The following IPO8 variants were observed in gnomAD, a reference collection of about 807,000 sequenced individuals.
IPO8 encodes importin 8.
IPO8 carries 65 observed loss-of-function variants against 141.2 expected under a neutral mutation model. The observed-to-expected ratio is 0.46, with a 90% CI of 0.38 to 0.57. The LOEUF is 0.57. Among genes scored for constraint, IPO8 ranks in the 20% least tolerant of loss-of-function variants. IPO8 has a pLI of 0.00. For missense variants in IPO8, 980 were observed against 1,246.8 expected (o/e 0.79, Z 3.22); for synonymous variants, 411 against 420.3 (o/e 0.98, Z 0.27).
intron 24 of IPO8, 27 bp from the exon 25 acceptor site, chr12:30,630,984 G>GAAAA: frequency 1.9e-6 from 3 of 1,554,606 alleles, no homozygotes; most frequent in Non-Finnish European, 1.8e-6. Flanking sequence ...GAAAAGGGGA[G>GAAAA]AAGAAAAAAA....
chr12:30,680,394 TTAA>T, intron 5 of IPO8, 85 bp downstream of exon 5: 1 of 1,009,228 alleles, frequency 9.9e-7, no homozygotes, highest in Non-Finnish European at 1.4e-6. Flanking sequence ...AAAATAATTT[TTAA>T]TAATAAGTGA....
At chr12:30,631,833 A>T (rs1463533421) in intron 24 of IPO8, 62 bp downstream of exon 24, 1 of 1,099,252 alleles carries the variant, frequency 9.1e-7, no homozygotes, top group African/African-American at 1.5e-5. Context: ...TGGCTCATCA[A>T]ATAAGGCTGT....
rs1249478252 is a variant in IPO8, at chr12:30,665,617, C to T, written c.1338+112G>A. 4.4e-6 allele frequency: 3 copies of T among 684,230 alleles called. No homozygotes were observed. The African/African-American group carries it at 5.4e-5, about 12-fold the overall frequency. The allele number at this position is 684,230 out of a possible 1,614,324, so 42.4% of individuals were successfully genotyped here. ...TGACAGAAAGGAGGATAGTTGTGAACTCAATTATCCAGAGGTAGTCACCAG... is the reference window on the plus strand; with the variant it reads ...TGACAGAAAGGAGGATAGTTGTGAATTCAATTATCCAGAGGTAGTCACCAG... On this transcript the variant is annotated intron_variant, in intron 12 of 24. Transcript: ENST00000256079.
rs76500574 is a variant in IPO8, at chr12:30,637,524, A to G, written c.2490-337T>C. On this transcript the variant is annotated intron_variant, in intron 21 of 24. Coordinates refer to ENST00000256079, the MANE Select transcript of IPO8 (RefSeq NM_006390.4). ...ATTTGACAGCATAAAAGTCCTATAC[A>G]ATGGTTGGGGGGAATGAAGAGTTTC... 9.1e-3 allele frequency among the ~76,000 whole-genome samples: 1,388 copies of G among 152,294 alleles called. 5 individuals carry two copies. Among genetic ancestry groups the G allele is most frequent in the Middle Eastern group, 0.034 (10 of 294 alleles).
chr12:30,667,638 G>A (rs1270436735), intron 10 of IPO8, among the ~76,000 whole-genome samples: 1 of 152,126 alleles, frequency 6.6e-6, no homozygotes, highest in Non-Finnish European at 1.5e-5. Context: ...CCAGTCTACA[G>A]AAGGAAACGA....
intron 5 of IPO8, among the ~76,000 whole-genome samples, chr12:30,679,260 A>G (rs1004929155): frequency 6.6e-6 from 1 of 152,272 alleles, no homozygotes; most frequent in African/African-American, 2.4e-5. Flanking sequence ...GGAGAATATT[A>G]ATGTATTAGT....
At chr12:30,641,418 T>C (rs2052572184) in intron 20 of IPO8, among the ~76,000 whole-genome samples, 1 of 151,936 alleles carries the variant, frequency 6.6e-6, no homozygotes, top group Admixed American at 6.6e-5. Context: ...TCTCTGAATA[T>C]ACCTTGTCTT....
At chr12:30,675,217 A>T (rs2053103964) in intron 6 of IPO8, among the ~76,000 whole-genome samples, 1 of 152,232 alleles carries the variant, frequency 6.6e-6, no homozygotes, top group African/African-American at 2.4e-5. Flanking sequence ...ATTTTAATAG[A>T]TACAAGAACT....
At chr12:30,693,657 A>G (rs1011015551) in intron 1 of IPO8, among the ~76,000 whole-genome samples, 2 of 152,226 alleles carry the variant, frequency 1.3e-5, no homozygotes, top group African/African-American at 4.8e-5. Context: ...GTTTTACTAC[A>G]CTGTTAGGTG....
chr12:30,693,964 T>A (rs368928876), intron 1 of IPO8, among the ~76,000 whole-genome samples: 106 of 152,312 alleles, frequency 7.0e-4, no homozygotes, highest in African/African-American at 2.5e-3. Context: ...TGTCTCCTAG[T>A]TCTGCAGGCT....
In IPO8 at chr12:30,666,376, A is replaced by G. The variant is rs77460486; in HGVS notation, c.1145-125T>C. The stretch of plus-strand genomic sequence containing the variant: ...CCATCCACATATGACACTGCTTGAC[A>G]GTACTAAAAAGGTAAGGATATACAG... On this transcript the variant is annotated intron_variant, in intron 10 of 24. Transcript: ENST00000256079. 7.5e-4 allele frequency: 404 copies of G among 541,052 alleles called. 2 individuals carry two copies. The highest frequency in any genetic ancestry group is 7.1e-3 in the African/African-American group (368 of 51,836). 33.5% of individuals were successfully genotyped at this position (541,052 alleles called of 1,614,324 possible).
intron 3 of IPO8, among the ~76,000 whole-genome samples, chr12:30,682,052 T>C (rs962830110): frequency 1.3e-5 from 2 of 152,106 alleles, no homozygotes; most frequent in Non-Finnish European, 2.9e-5. Context: ...AACTATCTTA[T>C]CCTAAATACA....
chr12:30,684,582 T>TA, intron 2 of IPO8, 125 bp from the exon 3 acceptor site: 1 of 860,946 alleles, frequency 1.2e-6, no homozygotes, highest in Non-Finnish European at 1.8e-6. Flanking sequence ...TGGATACTCT[T>TA]ACAGGTATAA....
At chr12:30,692,352 A>G (rs2053298721) in intron 1 of IPO8, among the ~76,000 whole-genome samples, 1 of 152,196 alleles carries the variant, frequency 6.6e-6, no homozygotes, top group African/African-American at 2.4e-5. Flanking sequence ...ATTTTAAAAA[A>G]TTTCAGAAAC....
intron 13 of IPO8, among the ~76,000 whole-genome samples, chr12:30,664,053 C>T (rs370089670): frequency 1.6e-4 from 24 of 152,226 alleles, no homozygotes; most frequent in Middle Eastern, 3.4e-3. Flanking sequence ...GTTTAGTAAG[C>T]TTCCTTTTTT....
intron 23 of IPO8, among the ~76,000 whole-genome samples, chr12:30,633,525 TAC>T (rs2136122564): frequency 6.6e-6 from 1 of 152,378 alleles, no homozygotes; most frequent in East Asian, 1.9e-4. Context: ...ATGGCCTCTG[TAC>T]ACTGTGTACA....
intron 20 of IPO8, among the ~76,000 whole-genome samples, chr12:30,642,558 A>G (rs1296370283): frequency 6.6e-6 from 1 of 151,910 alleles, no homozygotes; most frequent in Admixed American, 6.6e-5. Flanking sequence ...ATATATATAT[A>G]GCGACATATT....
Position 30,670,948 on chromosome 12 carries a change from T to G in IPO8, c.1044+14A>C, listed in dbSNP as rs1204072306. 4 of 1,600,938 alleles carry G rather than the reference T, an allele frequency of 2.5e-6. No individual in the cohort carries two copies. The Admixed American group carries it at 6.8e-5, about 27-fold the overall frequency. On this transcript the variant is annotated intron_variant, in intron 9 of 24. Coordinates refer to ENST00000256079, the MANE Select transcript of IPO8 (RefSeq NM_006390.4). ...CCAGAGAATAATTTTGGAGAGCTGC[T>G]CTCTGACACTAACCTGTATGTGTGG... is the stretch of plus-strand genomic sequence containing the variant.
intron 8 of IPO8, 69 bp downstream of exon 8, chr12:30,673,920 TC>T: frequency 1.1e-6 from 1 of 886,220 alleles, no homozygotes; most frequent in Non-Finnish European, 1.8e-6. Context: ...GTAACCTACT[TC>T]CAGTAGACAG....
Sources: gnomAD v4.1 joint callset for allele counts (sites outside exome capture counted in the v4.1 genomes callset) on GRCh38, gnomAD v4.1.1 for gene constraint, MANE v1.5 for transcripts, NCBI Gene and HGNC (gene_info 2026-07-23, HGNC 2026-07-21) for gene names.